GLG1: variants seen among roughly 807,000 people sequenced by gnomAD.
The protein encoded by GLG1 is Golgi apparatus protein 1.
GLG1 carries 38 observed loss-of-function variants against 160.5 expected under a neutral mutation model. The ratio of observed to expected loss-of-function variants is 0.24; its 90% CI spans 0.18 to 0.31. The LOEUF (loss-of-function observed/expected upper bound fraction) is 0.31. Ranked by LOEUF, GLG1 falls within the 10% of genes least tolerant of loss-of-function variation. The probability of loss-of-function intolerance (pLI) is 1.00; values close to 1 mark genes in which losing one functional copy is unlikely to be tolerated. For synonymous variants in GLG1, 644 were observed against 543.4 expected (o/e 1.19, Z -2.57); for missense variants, 1,373 against 1,505.2 (o/e 0.91, Z 1.45).
At chr16:74,603,836 GT>G (rs1332907738) in intron 1 of GLG1, among the ~76,000 whole-genome samples, 2 of 151,820 alleles carry the variant, frequency 1.3e-5, no homozygotes, top group Non-Finnish European at 2.9e-5. Context: ...CTAATTTTTT[GT>G]TTTTATTTAA....
intron 1 of GLG1, among the ~76,000 whole-genome samples, chr16:74,588,539 C>T (rs1006420540): frequency 5.3e-5 from 8 of 152,062 alleles, no homozygotes; most frequent in African/African-American, 1.9e-4. Context: ...CCCACCTCAG[C>T]CTCACAAGTA....
chr16:74,596,538 A>G (rs1958307638), intron 1 of GLG1, among the ~76,000 whole-genome samples: 1 of 152,188 alleles, frequency 6.6e-6, no homozygotes, highest in African/African-American at 2.4e-5. Context: ...AAAAAAAATT[A>G]TTGTGATATT....
chr16:74,469,096 G>A (rs745633600), intron 16 of GLG1, 33 bp from the exon 17 acceptor site: 1 of 1,443,158 alleles, frequency 6.9e-7, no homozygotes, highest in Non-Finnish European at 9.8e-7. Context: ...GCTGGCTGGG[G>A]CCACACAAGG....
intron 1 of GLG1, among the ~76,000 whole-genome samples, chr16:74,572,965 T>C (rs2018878278): frequency 6.6e-6 from 1 of 152,134 alleles, no homozygotes; most frequent in South Asian, 2.1e-4. Context: ...AGGATTGAGC[T>C]GAATTAGAGG....
chr16:74,483,602 A>G (rs2015682734), intron 9 of GLG1, among the ~76,000 whole-genome samples: 1 of 152,128 alleles, frequency 6.6e-6, no homozygotes, highest in Non-Finnish European at 1.5e-5. Context: ...CAATTATTTT[A>G]AAAGCTTTAC....
At chr16:74,576,618 G>C (rs1434044323) in intron 1 of GLG1, among the ~76,000 whole-genome samples, 2 of 152,078 alleles carry the variant, frequency 1.3e-5, no homozygotes, top group Non-Finnish European at 2.9e-5. Flanking sequence ...TCTGTCCCTT[G>C]GACTACAGTT....
intron 11 of GLG1, among the ~76,000 whole-genome samples, chr16:74,479,986 TG>T (rs1196727946): frequency 6.7e-6 from 1 of 149,094 alleles, no homozygotes; most frequent in African/African-American, 2.4e-5. Context: ...ATTCAGATTT[TG>T]GGAATTAAAA....
intron 1 of GLG1, among the ~76,000 whole-genome samples, chr16:74,604,387 A>G (rs1302188242): frequency 6.6e-6 from 1 of 152,212 alleles, no homozygotes; most frequent in Non-Finnish European, 1.5e-5. Flanking sequence ...ATACGACACC[A>G]TTTTATACGG....
At chr16:74,521,873 C>T (rs1421011297) in intron 2 of GLG1, among the ~76,000 whole-genome samples, 1 of 152,170 alleles carries the variant, frequency 6.6e-6, no homozygotes, top group African/African-American at 2.4e-5. Context: ...GGTGCCTTGG[C>T]TCAGAAGCCT....
At chr16:74,586,847 C>T (rs1958064736) in intron 1 of GLG1, among the ~76,000 whole-genome samples, 1 of 152,156 alleles carries the variant, frequency 6.6e-6, no homozygotes, top group African/African-American at 2.4e-5. Flanking sequence ...AGCCTCCCAC[C>T]ACCACACCCT....
At chr16:74,590,397 C>T (rs1028265954) in intron 1 of GLG1, among the ~76,000 whole-genome samples, 1 of 151,902 alleles carries the variant, frequency 6.6e-6, no homozygotes, top group African/African-American at 2.4e-5. Context: ...GCAGGCGGAT[C>T]ACCTGAAGTC....
chr16:74,474,452 C>T (rs2015327031), intron 13 of GLG1, 94 bp downstream of exon 13: 4 of 725,360 alleles, frequency 5.5e-6, no homozygotes, highest in Non-Finnish European at 1.0e-5. Flanking sequence ...AGAAAATCTG[C>T]ACTCTCAGGA....
chr16:74,466,981 C>A (rs1321605662), intron 18 of GLG1, among the ~76,000 whole-genome samples: 1 of 152,162 alleles, frequency 6.6e-6, no homozygotes, highest in Non-Finnish European at 1.5e-5. Flanking sequence ...TGTCCCAGAA[C>A]TGAAGGAACA....
rs772689287 is a variant in GLG1, at chr16:74,453,179, G to A, written c.3528C>T (p.Leu1176=). 1.9e-6 allele frequency: 3 copies of A among 1,614,026 alleles called. No homozygotes were observed. The highest frequency in any genetic ancestry group is 1.6e-4 in the Middle Eastern group (1 of 6,062). The part of the protein sequence containing the change: ...GRITKRVTRE[L]KDR ...GGTCAAGGTGGCTCTACCTGTCCTT[G>A]AGCTCTCGTGTCACTCGCTTGGTGA... The change falls in exon 26 of 26, where the codon CTC becomes CTT. Residue 1176 remains leucine (L), a synonymous_variant. Coordinates refer to ENST00000422840, the MANE Select transcript of GLG1 (RefSeq NM_001145667.2).
chr16:74,464,518 C>A (rs930019117), intron 19 of GLG1, among the ~76,000 whole-genome samples: 1 of 152,214 alleles, frequency 6.6e-6, no homozygotes, highest in Non-Finnish European at 1.5e-5. Flanking sequence ...CTGATAAACT[C>A]TGGTTGAGAC....
chr16:74,492,823 GAAAA>G (rs370571319), intron 7 of GLG1, 130 bp downstream of exon 7: 140 of 333,656 alleles, frequency 4.2e-4, no homozygotes, highest in Middle Eastern at 7.2e-4. Context: ...TCCGTCTCAA[GAAAA>G]AAAAAAAAAA....
At chr16:74,496,336 G>A in intron 5 of GLG1, 105 bp downstream of exon 5, 1 of 806,804 alleles carries the variant, frequency 1.2e-6, no homozygotes, top group Non-Finnish European at 2.0e-6. Flanking sequence ...GGGCAACATA[G>A]CAAGACTCAA....
At position 74,452,544 on chromosome 16, in the gene GLG1, A is replaced by T; in HGVS notation, c.*623T>A. On this transcript the variant is annotated 3_prime_UTR_variant, in exon 26 of 26. Coordinates refer to ENST00000422840, the MANE Select transcript of GLG1 (RefSeq NM_001145667.2). ...ATTAGGGTGGAAACTGGAAAGCGTC[A>T]CTGTCTCAGCAGAAGAAAGCAGGAC... is the stretch of plus-strand genomic sequence containing the variant. The T allele has an allele frequency of 9.9e-7, 1 of 1,013,056 alleles. No individual in the cohort carries two copies. Among genetic ancestry groups the T allele is most frequent in the Non-Finnish European group, 1.2e-6 (1 of 845,696 alleles). 62.8% of individuals were successfully genotyped at this position (1,013,056 alleles called of 1,614,324 possible). A position where few individuals can be genotyped will look rare whatever the true frequency, so the allele number is the denominator to read the frequency against.
intron 14 of GLG1, among the ~76,000 whole-genome samples, chr16:74,471,664 T>C (rs927435499): frequency 2.0e-5 from 3 of 152,132 alleles, no homozygotes; most frequent in Non-Finnish European, 4.4e-5. Context: ...TCACTCAATA[T>C]TGAGGTACTA....
Sources: gnomAD v4.1 joint callset for allele counts (sites outside exome capture counted in the v4.1 genomes callset) on GRCh38, gnomAD v4.1.1 for gene constraint, MANE v1.5 for transcripts, NCBI Gene and HGNC (gene_info 2026-07-23, HGNC 2026-07-21) for gene names.